MUC6: variants seen among roughly 807,000 people sequenced by gnomAD.
The protein encoded by MUC6 is mucin 6, oligomeric mucus/gel-forming (gene/pseudogene), also known as mucin-6.
Under a neutral mutation model 201.5 loss-of-function variants are expected in MUC6, and 188 were observed. That is an observed-to-expected ratio of 0.93 (90% CI 0.83 to 1.05). MUC6 has a LOEUF of 1.05. Among genes scored for constraint, MUC6 ranks in the 50% least tolerant of loss-of-function variants. MUC6 has a pLI of 0.00. For synonymous variants in MUC6, 1,228 were observed against 1,389.4 expected, an observed-to-expected ratio of 0.88 and a Z score of 2.58; for missense variants, 2,706 against 3,256.9, an observed-to-expected ratio of 0.83 and a Z score of 4.12.
chr11:1,030,587 C>T lies in MUC6; in HGVS notation c.878G>A (p.Ser293Asn). ...CCTGGACTCACAGCACAGGCCGGGG[C>T]TCCGCCAGCGGCGGACCGGCTGGCC... ...MVGQPVRRWR[S>N]PGLCSVGQCP... The change falls in exon 7 of 33, where the codon AGC (serine) becomes AAC (asparagine). Residue 293 changes from serine (S) to asparagine (N), a missense_variant. This residue lies in a region of MUC6 where 1,850 missense variants were observed against 1,958.3 expected (regional missense o/e 0.94). Transcript: ENST00000421673. 1.3e-6 allele frequency: 2 copies of T among 1,519,674 alleles called. No individual in the cohort carries two copies. The highest frequency in any genetic ancestry group is 2.4e-5 in the East Asian group (1 of 41,492). 94.1% of individuals were successfully genotyped at this position (1,519,674 alleles called of 1,614,324 possible).
Position 1,033,327 on chromosome 11 carries a change from C to T in MUC6, c.53-252G>A, listed in dbSNP as rs920249644. ...TTTGTCCACTCAGTCCCAGTTCAGC[C>T]GTCAGCCCCTCGGGGTTCGGCAGAT... On this transcript the variant is annotated intron_variant, in intron 1 of 32. Coordinates refer to ENST00000421673, the MANE Select transcript of MUC6 (RefSeq NM_005961.3). This position sits in a 1 kb window ranked among gnomAD's most constrained non-coding sequence, Gnocchi z 5.6. The T allele has an allele frequency of 1.4e-5, 8 of 556,862 alleles. No individual in the cohort carries two copies. The highest frequency in any genetic ancestry group is 5.7e-5 in the East Asian group (2 of 34,894). The allele number at this position is 556,862 out of a possible 1,614,324, so 34.5% of individuals were successfully genotyped here.
rs1439660847 is a variant in MUC6 at position 1,031,945 on chromosome 11, C to T, written c.224G>A (p.Cys75Tyr). ...GTCNYIFAAT[C>Y]KDAFPTFSVQ... The stretch of plus-strand genomic sequence containing the variant: ...ACTGAAGGTGGGGAAGGCGTCCTTG[C>T]AGGTGGCCGCGAAGATGTAGTTGCA... The change falls in exon 3 of 33, where the codon TGC becomes TAC. Residue 75 changes from cysteine to tyrosine, a missense_variant. Physicochemically the swap from Cys to Tyr is radical, Grantham distance 194. Transcript: ENST00000421673. The T allele has an allele frequency of 2.5e-6, 4 of 1,613,454 alleles. No individual in the cohort carries two copies. Among genetic ancestry groups the T allele is most frequent in the Non-Finnish European group, 3.4e-6 (4 of 1,179,904 alleles).
In MUC6 at chr11:1,024,119, C is replaced by T. The variant is rs1182557528; in HGVS notation, c.3226-16G>A. On this transcript the variant is annotated splice_polypyrimidine_tract_variant and intron_variant, in intron 24 of 32. Coordinates refer to ENST00000421673, the MANE Select transcript of MUC6 (RefSeq NM_005961.3). The stretch of plus-strand genomic sequence containing the variant: ...GGTGGTATACCTGCAGGGGTGTGTG[C>T]CAGTCAGTGTCTGGCTGCCGGGGGA... 8.3e-5 allele frequency: 134 copies of T among 1,607,440 alleles called. No homozygotes were observed. Among genetic ancestry groups the T allele is most frequent in the Non-Finnish European group, 1.1e-4 (130 of 1,177,246 alleles).
chr11:1,025,794 C>T lies in MUC6; in HGVS notation c.2799+11G>A, dbSNP rs771415223. 56 of 1,606,660 alleles carry T rather than the reference C, an allele frequency of 3.5e-5. No homozygotes were observed. The highest frequency in any genetic ancestry group is 5.3e-5 in the African/African-American group (4 of 74,910). On this transcript the variant is annotated intron_variant, in intron 22 of 32. Transcript: ENST00000421673. ...CCGTCCTGCCCTGCCAGAGTCTGCC[C>T]GGCTGCTCACCCCCAGGAAGATCTT...
chr11:1,024,798 A>T, intron 24 of MUC6, 46 bp downstream of exon 24: 1 of 1,313,256 alleles, frequency 7.6e-7, no homozygotes, highest in Non-Finnish European at 1.1e-6. Flanking sequence ...CCCCCACCGG[A>T]CATTTGTGGA....
At position 1,026,362 on chromosome 11, in the gene MUC6, A is replaced by G; in HGVS notation, c.2511T>C (p.Pro837=). 6.3e-7 allele frequency: 1 copy of G among 1,598,408 alleles called. No homozygotes were observed. The highest frequency in any genetic ancestry group is 8.5e-7 in the Non-Finnish European group (1 of 1,173,046). ...AGTCAGTGTGGAGCTCAGCTCCTCCAGGGTAGGAGACCCCCGAGAACTCAC... is the reference window on the plus strand; with the variant it reads ...AGTCAGTGTGGAGCTCAGCTCCTCCGGGGTAGGAGACCCCCGAGAACTCAC... ...CPCEFSGVSY[P]GGAELHTDCR... is the part of the protein sequence containing the mutation. Residue 837 remains proline (P), a synonymous_variant, in exon 20 of 33, where the codon CCT becomes CCC. Transcript: ENST00000421673.
Position 1,029,103 on chromosome 11 carries a change from C to T in MUC6, c.1323G>A (p.Lys441=). The T allele has an allele frequency of 6.2e-7, 1 of 1,612,750 alleles. No individual in the cohort carries two copies. The highest frequency in any genetic ancestry group is 8.5e-7 in the Non-Finnish European group (1 of 1,179,804). The change falls in exon 11 of 33, where the codon AAG becomes AAA. Residue 441 remains lysine (K), a synonymous_variant. Transcript: ENST00000421673. ...AGGTCTCGGAGTGTGAGACGCCGGA[C>T]TTGTCGTACACAGCCATGAGGGCAC... is the stretch of plus-strand genomic sequence containing the variant. The part of the protein sequence containing the change: ...EDGALMAVYD[K]SGVSHSETSL...
chr11:1,029,499 T>A lies in MUC6; in HGVS notation c.1132A>T (p.Thr378Ser). Residue 378 changes from threonine (T) to serine (S), a missense_variant, in exon 9 of 33, where the codon ACC becomes TCC. Transcript: ENST00000421673. ...CCCCTCCGGCGCCTCACTCACCAGG[T>A]TTGGCAGGCAGCTATTGTGACCTCC... is the stretch of plus-strand genomic sequence containing the variant. ...PGEVTIAACQ[T>S]CRCTLGRWVC... The A allele has an allele frequency of 6.2e-7, 1 of 1,612,038 alleles. No individual in the cohort carries two copies. The highest frequency in any genetic ancestry group is 8.5e-7 in the Non-Finnish European group (1 of 1,179,680).
chr11:1,018,563 C>A lies in MUC6; in HGVS notation c.4238G>T (p.Gly1413Val), dbSNP rs1554897504. The change falls in exon 31 of 33, where the codon GGG becomes GTG. Residue 1413 changes from glycine to valine, a missense_variant. Transcript: ENST00000421673. Reference sequence around the variant, plus strand: ...AGGACCTGTGGAAGGGACGGGACTCCCCGCCGTAGGCGGGGAGTGTGTGGT... The same window carrying A: ...AGGACCTGTGGAAGGGACGGGACTCACCGCCGTAGGCGGGGAGTGTGTGGT... ...PHTTHSPPTA[G>V]SPVPSTGPVT... The A allele has an allele frequency of 6.2e-7, 1 of 1,612,520 alleles. No homozygotes were observed. The highest frequency in any genetic ancestry group is 8.5e-7 in the Non-Finnish European group (1 of 1,179,232).
At position 1,024,970 on chromosome 11, in the gene MUC6, C is replaced by T; in HGVS notation, c.3099G>A (p.Glu1033=). Residue 1033 remains glutamate, a synonymous_variant, in exon 24 of 33, where the codon GAG becomes GAA. Coordinates refer to ENST00000421673, the MANE Select transcript of MUC6 (RefSeq NM_005961.3). ...AGCTCACGTCCCCGCACAGCGGGCT[C>T]TCCTTCCACGAGTTCACCAACTCCA... ...SELELVNSWK[E]SPLCGDVSFV... is the part of the protein sequence containing the mutation. 1.9e-6 allele frequency: 3 copies of T among 1,613,168 alleles called. No homozygotes were observed. Among genetic ancestry groups the T allele is most frequent in the Non-Finnish European group, 2.5e-6 (3 of 1,179,882 alleles).
chr11:1,031,738 G>A lies in MUC6; in HGVS notation c.357-5C>T, dbSNP rs1857109733. 1 of 1,549,864 alleles carries A rather than the reference G, an allele frequency of 6.5e-7. No homozygotes were observed. The highest frequency in any genetic ancestry group is 1.4e-5 in the African/African-American group (1 of 73,030). ...GTATAGGGCAGGCTGATGACCCTGT[G>A]GGGCAAGGGAAGTCGGTGGTCGATC... On this transcript the variant is annotated splice_polypyrimidine_tract_variant and splice_region_variant and intron_variant, in intron 3 of 32. Coordinates refer to ENST00000421673, the MANE Select transcript of MUC6 (RefSeq NM_005961.3).
chr11:1,023,194 C>T (rs529721297), intron 26 of MUC6, among the ~76,000 whole-genome samples: 13 of 150,050 alleles, frequency 8.7e-5, no homozygotes, highest in Middle Eastern at 3.6e-3. Flanking sequence ...AATGTGACTG[C>T]GTGAATGAGC....
At chr11:1,020,603 C>T in intron 28 of MUC6, 81 bp downstream of exon 28, 1 of 1,583,110 alleles carries the variant, frequency 6.3e-7, no homozygotes, top group Non-Finnish European at 8.7e-7. Flanking sequence ...CTGCTTCCCA[C>T]CCGACAGATT....
rs1347960627 is a variant in MUC6 at position 1,031,037 on chromosome 11, G to A, written c.594C>T (p.His198=). The A allele has an allele frequency of 3.8e-6, 6 of 1,572,770 alleles. No homozygotes were observed. Among genetic ancestry groups the A allele is most frequent in the South Asian group, 1.2e-5 (1 of 85,620 alleles). Reference sequence around the variant, plus strand: ...CCAGCTTCTGGAGGGCAGCAAACTTGTGGGGTTCCAGGAACTTGCCTGGGG... The same window carrying A: ...CCAGCTTCTGGAGGGCAGCAAACTTATGGGGTTCCAGGAACTTGCCTGGGG... ...VSEEGKFLEP[H]KFAALQKLDD... Residue 198 remains histidine (H), a synonymous_variant, in exon 6 of 33, where the codon CAC becomes CAT. Transcript: ENST00000421673.
In MUC6 at chr11:1,013,162, TGGAC is replaced by T. The variant is rs1856515571; in HGVS notation, c.*290_*293del. ...GCCAAGTTCAGGGGCTGGGAGGTGTTGGACGGTGGGCAGGGGTGGTCGGGAGTGC... is the reference window on the plus strand; with the variant it reads ...GCCAAGTTCAGGGGCTGGGAGGTGTTGGTGGGCAGGGGTGGTCGGGAGTGC... On this transcript the variant is annotated 3_prime_UTR_variant, in exon 33 of 33. Coordinates refer to ENST00000421673, the MANE Select transcript of MUC6 (RefSeq NM_005961.3). 4 of 468,844 alleles carry T rather than the reference TGGAC, an allele frequency of 8.5e-6. No individual in the cohort carries two copies. The South Asian group carries it at 1.3e-4, about 16-fold the overall frequency. 29.0% of individuals were successfully genotyped at this position (468,844 alleles called of 1,614,324 possible).
At position 1,033,298 on chromosome 11, in the gene MUC6, C is replaced by A; in HGVS notation, c.53-223G>T. The A allele has an allele frequency of 1.7e-6, 1 of 583,410 alleles. No homozygotes were observed. Among genetic ancestry groups the A allele is most frequent in the Non-Finnish European group, 3.1e-6 (1 of 323,158 alleles). 36.1% of individuals were successfully genotyped at this position (583,410 alleles called of 1,614,324 possible). On this transcript the variant is annotated intron_variant, in intron 1 of 32. Coordinates refer to ENST00000421673, the MANE Select transcript of MUC6 (RefSeq NM_005961.3). This position sits in a 1 kb window ranked among gnomAD's most constrained non-coding sequence, Gnocchi z 5.6. Reference sequence around the variant, plus strand: ...TTCCTTCCCTGCTCTCGTTCACTCCCTCGTTTGTCCACTCAGTCCCAGTTC... The same window carrying A: ...TTCCTTCCCTGCTCTCGTTCACTCCATCGTTTGTCCACTCAGTCCCAGTTC...
chr11:1,036,603 C>T lies in MUC6; in HGVS notation c.52+1G>A, dbSNP rs1714590622. ...GTCTGGCGCCCCTCGACCTCACTCA[C>T]CAGCGCTGAGCAGGGCTCCGCAGCA... On this transcript the variant is annotated splice_donor_variant, in intron 1 of 32. Coordinates refer to ENST00000421673, the MANE Select transcript of MUC6 (RefSeq NM_005961.3). LOFTEE classifies it high-confidence loss of function. The T allele has an allele frequency of 3.2e-6, 5 of 1,548,952 alleles. No individual in the cohort carries two copies. Among genetic ancestry groups the T allele is most frequent in the Non-Finnish European group, 4.4e-6 (5 of 1,146,464 alleles).
At chr11:1,034,473 C>T (rs912512692) in intron 1 of MUC6, among the ~76,000 whole-genome samples, 1 of 152,220 alleles carries the variant, frequency 6.6e-6, no homozygotes, top group African/African-American at 2.4e-5. Flanking sequence ...GGATGATCCA[C>T]AGGGCTCAGA....
intron 17 of MUC6, 24 bp from the exon 18 acceptor site, chr11:1,027,217 A>C: frequency 6.2e-7 from 1 of 1,611,662 alleles, no homozygotes; most frequent in Non-Finnish European, 8.5e-7. Context: ...GCTGCGTGAG[A>C]CCCCGGGACC....
Sources: gnomAD v4.1 joint callset for allele counts (sites outside exome capture counted in the v4.1 genomes callset) on GRCh38, gnomAD v4.1.1 for gene constraint, gnomAD v4.1.1 regional missense constraint, Gnocchi (gnomAD v3.1) non-coding constraint, MANE v1.5 for transcripts, NCBI Gene and HGNC (gene_info 2026-07-23, HGNC 2026-07-21) for gene names.